The following MAF variants were observed in gnomAD, a reference collection of about 807,000 sequenced individuals.
MAF encodes transcription factor Maf.
Under a neutral mutation model 22.0 loss-of-function variants are expected in MAF, and 10 were observed. That is an observed-to-expected ratio of 0.45 (90% confidence interval 0.28 to 0.77). The LOEUF (loss-of-function observed/expected upper bound fraction) is 0.77, where lower values mean the gene tolerates loss of function less well. Ranked by LOEUF, MAF falls within the 30% of genes least tolerant of loss-of-function variation. MAF has a pLI of 0.12. For synonymous variants in MAF, 337 were observed against 255.8 expected (o/e 1.32, Z -3.03); for missense variants, 544 against 548.4 (o/e 0.99, Z 0.08).
the MAF span, among the ~76,000 whole-genome samples, chr16:79,374,741 G>A: frequency 1.3e-5 from 2 of 152,188 alleles, no homozygotes; most frequent in East Asian, 1.9e-4. Flanking sequence ...AGTGACATGG[G>A]AAATTGGAAG....
At chr16:79,308,395 T>C in the MAF span, among the ~76,000 whole-genome samples, 10 of 152,276 alleles carry the variant, frequency 6.6e-5, no homozygotes, top group South Asian at 4.1e-4. Context: ...GAGGCACCTC[T>C]ATCACTTAAC....
At chr16:79,221,305 G>C in the MAF span, among the ~76,000 whole-genome samples, 9 of 152,272 alleles carry the variant, frequency 5.9e-5, 1 homozygote, top group Admixed American at 2.6e-4. Context: ...ACCCACTTTA[G>C]GGAGAGAGGC....
the MAF span, among the ~76,000 whole-genome samples, chr16:79,426,775 A>C: frequency 6.6e-6 from 1 of 152,396 alleles, no homozygotes; most frequent in South Asian, 2.1e-4. Context: ...GAAGGTTTAG[A>C]CAAAGGGTGG....
At chr16:79,479,566 G>T in the MAF span, among the ~76,000 whole-genome samples, 1 of 152,174 alleles carries the variant, frequency 6.6e-6, no homozygotes, top group African/African-American at 2.4e-5. Context: ...TGCTGACAGC[G>T]GGAATCCTTC....
the MAF span, among the ~76,000 whole-genome samples, chr16:79,333,877 G>A: frequency 1.2e-4 from 18 of 152,192 alleles, no homozygotes; most frequent in African/African-American, 4.1e-4. Flanking sequence ...ACCTCACCTG[G>A]ATCTGGTGAT....
At chr16:79,460,463 C>A in the MAF span, among the ~76,000 whole-genome samples, 1 of 152,184 alleles carries the variant, frequency 6.6e-6, no homozygotes, top group Admixed American at 6.5e-5. Flanking sequence ...CCACTTGGAA[C>A]TCTATTACTC....
At chr16:79,343,955 T>C in the MAF span, among the ~76,000 whole-genome samples, 1 of 152,200 alleles carries the variant, frequency 6.6e-6, no homozygotes, top group Admixed American at 6.5e-5. Flanking sequence ...TTATGCATCC[T>C]CTGAAAACTT....
At chr16:79,581,043 G>T (rs1014852526), downstream of MAF, among the ~76,000 whole-genome samples, 2 of 152,116 alleles carry the variant, frequency 1.3e-5, no homozygotes, top group African/African-American at 4.8e-5. Flanking sequence ...GAGATGCCAA[G>T]CATCTCTTCC....
chr16:79,360,478 T>C, the MAF span, among the ~76,000 whole-genome samples: 1 of 152,162 alleles, frequency 6.6e-6, no homozygotes, highest in Non-Finnish European at 1.5e-5. Flanking sequence ...TCTGAGCCTG[T>C]TTTTCTCATC....
the MAF span, among the ~76,000 whole-genome samples, chr16:79,345,205 A>G: frequency 6.8e-6 from 1 of 147,412 alleles, no homozygotes; most frequent in African/African-American, 2.5e-5. Flanking sequence ...AGTACATTAT[A>G]TATTACTTGA....
chr16:79,483,452 G>C, the MAF span, among the ~76,000 whole-genome samples: 2 of 150,968 alleles, frequency 1.3e-5, no homozygotes, highest in Non-Finnish European at 2.9e-5. Flanking sequence ...CAAAGCCATT[G>C]TCCATGCTGG....
chr16:79,315,921 G>C, the MAF span, among the ~76,000 whole-genome samples: 1 of 152,186 alleles, frequency 6.6e-6, no homozygotes, highest in African/African-American at 2.4e-5. Flanking sequence ...CTGGGTGTGT[G>C]GGGGTCCCCG....
the MAF span, among the ~76,000 whole-genome samples, chr16:79,435,817 C>T: frequency 3.9e-5 from 6 of 152,172 alleles, no homozygotes; most frequent in Non-Finnish European, 7.3e-5. Flanking sequence ...AGCTAAAAAG[C>T]ATGAACTTGA....
At chr16:79,528,676 G>C in the MAF span, among the ~76,000 whole-genome samples, 2 of 151,264 alleles carry the variant, frequency 1.3e-5, no homozygotes, top group Non-Finnish European at 2.9e-5. Context: ...AAAAAAGAAA[G>C]GCAAGAGAGA....
the MAF span, among the ~76,000 whole-genome samples, chr16:79,437,053 G>A: frequency 6.6e-6 from 1 of 152,166 alleles, no homozygotes; most frequent in Non-Finnish European, 1.5e-5. Context: ...GAATGGTCAT[G>A]TATCCCCCAC....
chr16:79,566,919 T>C, the MAF span, among the ~76,000 whole-genome samples: 2 of 152,214 alleles, frequency 1.3e-5, no homozygotes, highest in African/African-American at 2.4e-5. Flanking sequence ...TGGACTTGGA[T>C]AGAATCTTGA....
At chr16:79,518,215 G>C in the MAF span, among the ~76,000 whole-genome samples, 1 of 152,152 alleles carries the variant, frequency 6.6e-6, no homozygotes, top group African/African-American at 2.4e-5. Flanking sequence ...AGAAAGTGGG[G>C]GACCTGAGGT....
chr16:79,384,494 A>C, the MAF span, among the ~76,000 whole-genome samples: 1 of 149,230 alleles, frequency 6.7e-6, no homozygotes, highest in Non-Finnish European at 1.5e-5. Context: ...ATGGTGGCTC[A>C]CGCCTGTAAT....
chr16:79,496,482 C>G, the MAF span, among the ~76,000 whole-genome samples: 2 of 152,216 alleles, frequency 1.3e-5, no homozygotes, highest in Non-Finnish European at 2.9e-5. Flanking sequence ...ATTACTCTCC[C>G]TGCATGACAC....
Sources: gnomAD v4.1 joint callset for allele counts (sites outside exome capture counted in the v4.1 genomes callset) on GRCh38, gnomAD v4.1.1 for gene constraint, MANE v1.5 for transcripts, NCBI Gene and HGNC (gene_info 2026-07-23, HGNC 2026-07-21) for gene names.